Variants in GAS2 observed in about 807,000 individuals in gnomAD.
GAS2 encodes the protein growth arrest-specific protein 2.
In GAS2, 20 loss-of-function variants were observed where a neutral mutation model predicts 37.5. That is an observed-to-expected ratio of 0.53 (90% CI 0.37 to 0.77). The LOEUF is 0.77. GAS2 is among the 30% of genes least tolerant of loss of function. GAS2 has a pLI of 0.00. For synonymous variants in GAS2, 144 were observed against 132.2 expected, an observed-to-expected ratio of 1.09 and a Z score of -0.61; for missense variants, 336 against 373.4, an observed-to-expected ratio of 0.90 and a Z score of 0.82.
chr11:22,764,133 A>G (rs561647235), intron 7 of GAS2, among the ~76,000 whole-genome samples: 89 of 152,246 alleles, frequency 5.8e-4, no homozygotes, highest in Non-Finnish European at 1.2e-3. Flanking sequence ...TGCTGTAAAT[A>G]ATTCAGCTAA....
intron 7 of GAS2, among the ~76,000 whole-genome samples, chr11:22,791,865 G>A (rs1856180751): frequency 6.6e-6 from 1 of 152,230 alleles, no homozygotes; most frequent in Admixed American, 6.5e-5. Flanking sequence ...TGGAGGCTGA[G>A]CTGAATTGAA....
At chr11:22,754,432 T>C (rs1430721911) in intron 6 of GAS2, among the ~76,000 whole-genome samples, 2 of 152,092 alleles carry the variant, frequency 1.3e-5, no homozygotes, top group East Asian at 3.9e-4. Context: ...CATAGGTTTA[T>C]ATGTCAGCAA....
intron 5 of GAS2, among the ~76,000 whole-genome samples, chr11:22,741,001 TG>T (rs1329400579): frequency 6.6e-6 from 1 of 152,208 alleles, no homozygotes; most frequent in Non-Finnish European, 1.5e-5. Context: ...TTCTTATATT[TG>T]ATTCTAAACA....
intron 5 of GAS2, among the ~76,000 whole-genome samples, chr11:22,737,986 G>A (rs1250546217): frequency 6.6e-6 from 1 of 152,166 alleles, no homozygotes; most frequent in Non-Finnish European, 1.5e-5. Context: ...AAGCCACTAT[G>A]TCTAAGCATT....
At chr11:22,651,243 G>T (rs1476089944) in intron 1 of GAS2, among the ~76,000 whole-genome samples, 1 of 152,076 alleles carries the variant, frequency 6.6e-6, no homozygotes, top group Non-Finnish European at 1.5e-5. Context: ...GTTGAATATT[G>T]GCCCCCACTG....
At chr11:22,753,913 T>C (rs1469183775) in intron 6 of GAS2, among the ~76,000 whole-genome samples, 1 of 152,132 alleles carries the variant, frequency 6.6e-6, no homozygotes. Flanking sequence ...TCCTAGAATG[T>C]GGTTCTGCAT....
chr11:22,626,936 A>G (rs2133800273), intron 1 of GAS2: 1 of 152,284 alleles, frequency 6.6e-6, no homozygotes, highest in East Asian at 1.9e-4. Context: ...ACGGAGTCTC[A>G]TTCTGTCGCC....
chr11:22,651,831 TC>T (rs1380766522), intron 1 of GAS2, among the ~76,000 whole-genome samples: 1 of 152,178 alleles, frequency 6.6e-6, no homozygotes, highest in Non-Finnish European at 1.5e-5. Flanking sequence ...TAAACTTTTT[TC>T]AAAGTTTTCA....
At position 22,811,875 on chromosome 11, in the gene GAS2, C is replaced by A. The variant is rs747018038; in HGVS notation, c.801C>A (p.Asp267Glu). The A allele has an allele frequency of 5.6e-6, 9 of 1,614,130 alleles. No homozygotes were observed. The highest frequency in any genetic ancestry group is 7.6e-6 in the Non-Finnish European group (9 of 1,179,992). Residue 267 changes from aspartate (D) to glutamate (E), a missense_variant, in exon 8 of 8, where the codon GAC becomes GAA. Physicochemically the swap from Asp to Glu is conservative, Grantham distance 45. Transcript: ENST00000454584. ...TTGCAGGGTATTTGTTGAAACACGA[C>A]CCCTGCCGAATGCTGCAGATCTCCC... ...ETFAGYLLKH[D>E]PCRMLQISRV...
intron 7 of GAS2, among the ~76,000 whole-genome samples, chr11:22,774,038 G>A (rs1469184572): frequency 2.6e-5 from 4 of 152,154 alleles, no homozygotes; most frequent in Non-Finnish European, 5.9e-5. Context: ...TTGTTGCCCA[G>A]GCTGGAGTAC....
intron 1 of GAS2, among the ~76,000 whole-genome samples, chr11:22,646,320 A>G (rs1446275504): frequency 6.6e-6 from 1 of 152,194 alleles, no homozygotes; most frequent in Non-Finnish European, 1.5e-5. Flanking sequence ...ATTTAATTTT[A>G]GCAAAATGAC....
intron 1 of GAS2, chr11:22,626,515 C>T (rs1858656240): frequency 6.5e-6 from 1 of 153,164 alleles, no homozygotes; most frequent in African/African-American, 2.4e-5. Context: ...AAGGAAATGG[C>T]ATTTAAGAGC....
chr11:22,779,797 C>T (rs1480464995), intron 7 of GAS2, among the ~76,000 whole-genome samples: 1 of 151,998 alleles, frequency 6.6e-6, no homozygotes, highest in African/African-American at 2.4e-5. Flanking sequence ...CATTTTCTAA[C>T]ATCTCATTTT....
chr11:22,795,302 G>A (rs1331484095), intron 7 of GAS2, among the ~76,000 whole-genome samples: 2 of 152,106 alleles, frequency 1.3e-5, no homozygotes, highest in African/African-American at 4.8e-5. Flanking sequence ...TAGCTGGGAG[G>A]GATTAGACTG....
intron 3 of GAS2, among the ~76,000 whole-genome samples, chr11:22,694,578 A>T (rs1261403414): frequency 6.6e-6 from 1 of 152,152 alleles, no homozygotes; most frequent in African/African-American, 2.4e-5. Context: ...AGAATGTGGA[A>T]TTTTTTCTTG....
At chr11:22,729,626 A>T (rs778167421) in intron 4 of GAS2, among the ~76,000 whole-genome samples, 3 of 151,770 alleles carry the variant, frequency 2.0e-5, no homozygotes, top group Non-Finnish European at 4.4e-5. Flanking sequence ...AAAAGTGGAG[A>T]TGAAGAACCT....
At chr11:22,737,607 C>T in intron 4 of GAS2, 98 bp from the exon 5 acceptor site, 2 of 1,090,594 alleles carry the variant, frequency 1.8e-6, no homozygotes, top group Non-Finnish European at 2.8e-6. Context: ...TAGATCCTTT[C>T]CTGGGAGCAC....
At position 22,654,505 on chromosome 11, in the gene GAS2, CCCA is replaced by C. The variant is rs1262929446; in HGVS notation, c.-20-20342_-20-20340del. On this transcript the variant is annotated intron_variant, in intron 1 of 5. Coordinates refer to the GAS2 transcript ENST00000528582. ...TGACCTCCTTGGCTCAAGCAATCCT[CCCA>C]CCTTAGCCTCCTGAGAGTTTGGGAC... is the stretch of plus-strand genomic sequence containing the variant. 3.3e-5 allele frequency among the ~76,000 whole-genome samples: 5 copies of C among 152,154 alleles called. No individual in the cohort carries two copies. In the South Asian group the frequency reaches 1.0e-3, roughly 32 times the overall value.
intron 7 of GAS2, among the ~76,000 whole-genome samples, chr11:22,759,214 C>G (rs1215516693): frequency 6.6e-6 from 1 of 152,120 alleles, no homozygotes; most frequent in Admixed American, 6.5e-5. Flanking sequence ...CAGAGAATAT[C>G]TTTACTAAGC....
Sources: allele counts gnomAD v4.1 joint callset (sites outside exome capture counted in the v4.1 genomes callset), GRCh38; gene constraint gnomAD v4.1.1; transcripts MANE v1.5; gene names NCBI Gene and HGNC (gene_info 2026-07-23, HGNC 2026-07-21).